Variants in ABCA13 observed in about 807,000 individuals in gnomAD.
ABCA13 encodes ATP binding cassette subfamily A member 13.
In ABCA13, 476 loss-of-function variants were observed where a neutral mutation model predicts 478.7. The ratio of observed to expected loss-of-function variants is 0.99; its 90% CI spans 0.92 to 1.07. The LOEUF is 1.07. Among genes scored for constraint, ABCA13 ranks in the 50% least tolerant of loss-of-function variants. The pLI is 0.00. For synonymous variants in ABCA13, 2,252 were observed against 2,158.9 expected (o/e 1.04, Z -1.20); for missense variants, 6,060 against 5,910.6 (o/e 1.03, Z -0.83).
intron 55 of ABCA13, among the ~76,000 whole-genome samples, chr7:48,571,697 A>G (rs965225405): frequency 1.5e-4 from 23 of 152,134 alleles, no homozygotes; most frequent in Non-Finnish European, 2.6e-4. Context: ...TATTTTGTAT[A>G]TATTATACAC....
intron 42 of ABCA13, among the ~76,000 whole-genome samples, chr7:48,453,683 A>G (rs1825313858): frequency 6.6e-6 from 1 of 152,126 alleles, no homozygotes; most frequent in Admixed American, 6.5e-5. Context: ...CAAGGATTCT[A>G]CCTGAACGTC....
chr7:48,202,334 A>C (rs1360060641), intron 3 of ABCA13, among the ~76,000 whole-genome samples: 1 of 152,138 alleles, frequency 6.6e-6, no homozygotes, highest in African/African-American at 2.4e-5. Context: ...CGTCCCCATC[A>C]GATTAGTTAG....
At chr7:48,241,648 G>A (rs1345072478) in intron 10 of ABCA13, among the ~76,000 whole-genome samples, 1 of 152,152 alleles carries the variant, frequency 6.6e-6, no homozygotes, top group Non-Finnish European at 1.5e-5. Context: ...TCCTTCTGAA[G>A]TTAAGGCTGT....
chr7:48,360,563 A>G (rs970309835), intron 31 of ABCA13, among the ~76,000 whole-genome samples: 4 of 152,132 alleles, frequency 2.6e-5, no homozygotes, highest in Non-Finnish European at 4.4e-5. Context: ...TCTATAAACA[A>G]GTGATATTCA....
chr7:48,478,330 G>T (rs188550409), intron 45 of ABCA13, among the ~76,000 whole-genome samples: 6 of 143,354 alleles, frequency 4.2e-5, no homozygotes, highest in Admixed American at 2.8e-4. Flanking sequence ...CACCCATTAT[G>T]GAAAGGCTAA....
intron 39 of ABCA13, among the ~76,000 whole-genome samples, chr7:48,409,531 C>G (rs924504980): frequency 6.6e-6 from 1 of 152,132 alleles, no homozygotes; most frequent in Non-Finnish European, 1.5e-5. Context: ...AACATACTCT[C>G]CTCTCTGTGG....
rs530188172 is a variant in ABCA13, at chr7:48,489,829, G to A, written c.13291+485G>A. Among the ~76,000 whole-genome samples, 6 of 152,210 alleles carry A rather than the reference G, an allele frequency of 3.9e-5. No individual in the cohort carries two copies. The East Asian group carries it at 1.2e-3, about 29-fold the overall frequency. On this transcript the variant is annotated intron_variant, in intron 48 of 61. Transcript: ENST00000435803. ...CTATGCTTTCTTATTTTGGTAAATGGCACAGGTCCATTTCTGGTATCCAGA... is the reference window on the plus strand; with the variant it reads ...CTATGCTTTCTTATTTTGGTAAATGACACAGGTCCATTTCTGGTATCCAGA...
At chr7:48,548,471 C>T (rs1011777582) in intron 55 of ABCA13, among the ~76,000 whole-genome samples, 86 of 151,462 alleles carry the variant, frequency 5.7e-4, no homozygotes, top group African/African-American at 1.9e-3. Context: ...GCTATGCCAA[C>T]ATAAAACCAT....
chr7:48,193,027 A>G lies in ABCA13; in HGVS notation c.138A>G (p.Gln46=). The G allele has an allele frequency of 6.5e-7, 1 of 1,535,252 alleles. No homozygotes were observed. Among genetic ancestry groups the G allele is most frequent in the Non-Finnish European group, 8.7e-7 (1 of 1,146,158 alleles). ...LFVILTVLRF[Q]EPPRYRDICY... ...TAATTCTGACAGTTCTTCGTTTTCA[A>G]GAACCTCCCAGATACAGAGACATTT... The change falls in exon 2 of 62, where the codon CAA becomes CAG. Residue 46 remains glutamine, a synonymous_variant. Coordinates refer to ENST00000435803, the MANE Select transcript of ABCA13 (RefSeq NM_152701.5).
chr7:48,523,004 A>AAAGT (rs1161507479), intron 53 of ABCA13, among the ~76,000 whole-genome samples: 1 of 152,230 alleles, frequency 6.6e-6, no homozygotes, highest in Admixed American at 6.5e-5. Context: ...TTCAAACAGA[A>AAAGT]AAGTGTAAAA....
chr7:48,615,866 G>A (rs1261143076), intron 59 of ABCA13, among the ~76,000 whole-genome samples: 1 of 152,150 alleles, frequency 6.6e-6, no homozygotes, highest in East Asian at 1.9e-4. Context: ...TTTGGATTAT[G>A]AAAGACTAAA....
Position 48,552,607 on chromosome 7 carries a change from GA to G in ABCA13, c.14354+24269del, listed in dbSNP as rs1418185409. 4.1e-5 allele frequency among the ~76,000 whole-genome samples: 6 copies of G among 146,196 alleles called. 1 individual carries two copies. Among genetic ancestry groups the G allele is most frequent in the South Asian group, 4.3e-4 (2 of 4,702 alleles). On this transcript the variant is annotated intron_variant, in intron 55 of 61. Coordinates refer to ENST00000435803, the MANE Select transcript of ABCA13 (RefSeq NM_152701.5). Reference sequence around the variant, plus strand: ...ACCTTTGTTGCCTTTTTTTTTTTTAGAAAAAAATATGTATTGACAAATTATA... The same window carrying G: ...ACCTTTGTTGCCTTTTTTTTTTTTAGAAAAAATATGTATTGACAAATTATA...
chr7:48,467,712 C>G (rs1342020718), intron 44 of ABCA13, among the ~76,000 whole-genome samples: 2 of 152,032 alleles, frequency 1.3e-5, no homozygotes, highest in Non-Finnish European at 2.9e-5. Context: ...CTGGGTAGAG[C>G]AAATGAGGCA....
At chr7:48,175,045 G>T (rs1170696276) in intron 1 of ABCA13, among the ~76,000 whole-genome samples, 1 of 152,196 alleles carries the variant, frequency 6.6e-6, no homozygotes, top group Non-Finnish European at 1.5e-5. Flanking sequence ...CTTTTGGGCA[G>T]GTGGAGATCA....
chr7:48,507,581 T>C lies in ABCA13; in HGVS notation c.13347-291T>C, dbSNP rs903980040. Among the ~76,000 whole-genome samples the C allele has an allele frequency of 2.6e-5, 4 of 152,078 alleles. No homozygotes were observed. The East Asian group carries it at 5.8e-4, about 22-fold the overall frequency. On this transcript the variant is annotated intron_variant, in intron 49 of 61. Transcript: ENST00000435803. The stretch of plus-strand genomic sequence containing the variant: ...GCTCAGAGGATATCTTTCATCTTAA[T>C]TGGGAGTCAGGCTCAATGGTGAAGA...
At chr7:48,624,179 G>T (rs1793442566) in intron 59 of ABCA13, among the ~76,000 whole-genome samples, 1 of 151,444 alleles carries the variant, frequency 6.6e-6, no homozygotes, top group Non-Finnish European at 1.5e-5. Context: ...TATCCTTTTG[G>T]GCACTGATGT....
Position 48,367,865 on chromosome 7 carries a change from T to A in ABCA13, c.10760T>A (p.Met3587Lys). 1 of 1,582,564 alleles carries A rather than the reference T, an allele frequency of 6.3e-7. No homozygotes were observed. The highest frequency in any genetic ancestry group is 1.2e-5 in the South Asian group (1 of 86,130). The stretch of plus-strand genomic sequence containing the variant: ...ACGTGGATGGTGTCTGTGGCCAGCA[T>A]GGTCAGAAAGTTGGTGTATGAGCAG... The part of the protein sequence containing the change: ...MLTWMVSVAS[M>K]VRKLVYEQEI... The change falls in exon 32 of 62, where the codon ATG becomes AAG. Residue 3587 changes from methionine to lysine, a missense_variant. Met to Lys is a moderately conservative substitution (Grantham distance 95). Transcript: ENST00000435803.
rs544871175 is a variant in ABCA13, at chr7:48,629,304, A to G, written c.14837+13927A>G. Among the ~76,000 whole-genome samples, 545 of 152,252 alleles carry G rather than the reference A, an allele frequency of 3.6e-3. 2 individuals are homozygous for G. The highest frequency in any genetic ancestry group is 6.4e-3 in the Non-Finnish European group (435 of 68,016). The stretch of plus-strand genomic sequence containing the variant: ...GTACACTATGGGATTATGATTTCCT[A>G]TTGTAAATATAGCCTAGGCACAAGA... On this transcript the variant is annotated intron_variant, in intron 59 of 61. Transcript: ENST00000435803.
intron 55 of ABCA13, 87 bp from the exon 56 acceptor site, chr7:48,580,137 C>T (rs767282396): frequency 1.6e-5 from 22 of 1,351,592 alleles, no homozygotes; most frequent in Non-Finnish European, 2.0e-5. Context: ...CTGCAGTGGA[C>T]TTGTTATTGA....
Sources: gnomAD v4.1 joint callset for allele counts (sites outside exome capture counted in the v4.1 genomes callset) on GRCh38, gnomAD v4.1.1 for gene constraint, MANE v1.5 for transcripts, NCBI Gene and HGNC (gene_info 2026-07-23, HGNC 2026-07-21) for gene names.